The following LRIG2 variants were observed in gnomAD, a reference collection of about 807,000 sequenced individuals.
LRIG2 encodes leucine rich repeats and immunoglobulin like domains 2, also known as leucine-rich repeats and immunoglobulin-like domains protein 2.
Under a neutral mutation model 107.8 loss-of-function variants are expected in LRIG2, and 93 were observed. The ratio of observed to expected loss-of-function variants is 0.86; its 90% CI spans 0.73 to 1.03. The LOEUF (loss-of-function observed/expected upper bound fraction) is 1.03, where lower values mean the gene tolerates loss of function less well. Ranked by LOEUF, LRIG2 falls within the 50% of genes least tolerant of loss-of-function variation. The pLI is 0.00. For synonymous variants in LRIG2, 471 were observed against 470.6 expected (o/e 1.00, Z -0.01); for missense variants, 1,226 against 1,296.0 (o/e 0.95, Z 0.83).
intron 1 of LRIG2, among the ~76,000 whole-genome samples, chr1:113,087,522 T>C (rs1653610651): frequency 6.6e-6 from 1 of 152,110 alleles, no homozygotes; most frequent in African/African-American, 2.4e-5. Context: ...CTAATTTTTG[T>C]ATTTTTTGTA....
At chr1:113,106,099 G>A (rs1341844826) in intron 11 of LRIG2, among the ~76,000 whole-genome samples, 1 of 152,048 alleles carries the variant, frequency 6.6e-6, no homozygotes, top group African/African-American at 2.4e-5. Flanking sequence ...ATGGTGGCAC[G>A]CACCTGTAGT....
intron 11 of LRIG2, 99 bp downstream of exon 11, chr1:113,100,587 C>T: frequency 1.5e-6 from 1 of 682,866 alleles, no homozygotes; most frequent in South Asian, 1.8e-5. Flanking sequence ...TCCAAAAGCA[C>T]ACAGTTCAGG....
chr1:113,079,359 A>AG (rs1653148490), intron 1 of LRIG2, among the ~76,000 whole-genome samples: 1 of 150,852 alleles, frequency 6.6e-6, no homozygotes, highest in African/African-American at 2.4e-5. Flanking sequence ...AAAAAAAAAA[A>AG]AAAAGAAGAG....
intron 12 of LRIG2, among the ~76,000 whole-genome samples, chr1:113,108,252 C>G (rs1188955776): frequency 7.0e-6 from 1 of 143,878 alleles, no homozygotes; most frequent in Non-Finnish European, 1.5e-5. Context: ...CTAATGGAGT[C>G]TTGCTGCGTC....
rs149289712 is a variant in LRIG2 at position 113,100,672 on chromosome 1, G to A, written c.1313+184G>A. On this transcript the variant is annotated intron_variant, in intron 11 of 17. Coordinates refer to ENST00000361127, the MANE Select transcript of LRIG2 (RefSeq NM_014813.3). ...ATTTTAAAATAGCCAACATTGAAAA[G>A]CCCAGAGTGTGTGGCACCAAGACCT... The A allele has an allele frequency of 2.2e-3, 1,031 of 467,420 alleles. 11 individuals are homozygous for A. Among genetic ancestry groups the A allele is most frequent in the African/African-American group, 0.018 (929 of 51,930 alleles). The allele number at this position is 467,420 out of a possible 1,614,324, so 29.0% of individuals were successfully genotyped here. A position where few individuals can be genotyped will look rare whatever the true frequency, so the allele number is the denominator to read the frequency against.
In LRIG2 at chr1:113,075,692, CTT is replaced by C. The variant is rs34293194; in HGVS notation, c.239+2066_239+2067del. On this transcript the variant is annotated intron_variant, in intron 1 of 17. Transcript: ENST00000361127. Reference sequence around the variant, plus strand: ...GTAATTGGAATGAATGTGGCCTATACTTTTTTTTTTTTTTTTTTTTGAGATGG... The same window carrying C: ...GTAATTGGAATGAATGTGGCCTATACTTTTTTTTTTTTTTTTTTGAGATGG... 3.0e-3 allele frequency among the ~76,000 whole-genome samples: 351 copies of C among 117,704 alleles called. 2 individuals carry two copies. Among genetic ancestry groups the C allele is most frequent in the Middle Eastern group, 0.01 (2 of 196 alleles). 77.2% of individuals were successfully genotyped at this position (117,704 alleles called of 152,430 possible). A position where few individuals can be genotyped will look rare whatever the true frequency, so the allele number is the denominator to read the frequency against.
At chr1:113,078,068 C>A (rs962669829) in intron 1 of LRIG2, among the ~76,000 whole-genome samples, 3 of 152,040 alleles carry the variant, frequency 2.0e-5, no homozygotes, top group East Asian at 3.9e-4. Flanking sequence ...TATGAACTCA[C>A]CCTTTTTTAT....
intron 9 of LRIG2, 88 bp from the exon 10 acceptor site, chr1:113,100,123 C>T (rs1360740283): frequency 1.2e-5 from 9 of 723,950 alleles, no homozygotes; most frequent in Non-Finnish European, 2.0e-5. Context: ...GTACGCTACG[C>T]TTATTTTCAC....
intron 14 of LRIG2, 87 bp from the exon 15 acceptor site, chr1:113,114,340 A>T (rs955695028): frequency 1.6e-5 from 12 of 745,570 alleles, no homozygotes; most frequent in Non-Finnish European, 2.6e-5. Flanking sequence ...TCATTTTATT[A>T]TACCCCCATT....
At chr1:113,084,339 C>T (rs891968583) in intron 1 of LRIG2, among the ~76,000 whole-genome samples, 1 of 151,548 alleles carries the variant, frequency 6.6e-6, no homozygotes, top group African/African-American at 2.4e-5. Context: ...CCTCAGCCTC[C>T]CGAGTAGCTG....
At position 113,124,901 on chromosome 1, in the gene LRIG2, C is replaced by G. The variant is rs1655422004; in HGVS notation, c.*800C>G. ...AAAGTATAAAAACTGTGGCTCACACCTGTAATCCCAGCATTTTGAGAGGCT... is the reference window on the plus strand; with the variant it reads ...AAAGTATAAAAACTGTGGCTCACACGTGTAATCCCAGCATTTTGAGAGGCT... On this transcript the variant is annotated 3_prime_UTR_variant, in exon 18 of 18. Coordinates refer to ENST00000361127, the MANE Select transcript of LRIG2 (RefSeq NM_014813.3). 6.6e-6 allele frequency: 1 copy of G among 152,036 alleles called. No individual in the cohort carries two copies. Among genetic ancestry groups the G allele is most frequent in the Non-Finnish European group, 1.5e-5 (1 of 68,016 alleles). 9.4% of individuals were successfully genotyped at this position (152,036 alleles called of 1,614,324 possible).
At chr1:113,115,028 G>T in intron 15 of LRIG2, 152 bp downstream of exon 15, 1 of 696,586 alleles carries the variant, frequency 1.4e-6, no homozygotes, top group Non-Finnish European at 2.3e-6. Flanking sequence ...AGGACTGCTT[G>T]AGCCCAGGAG....
chr1:113,098,465 C>T (rs1248722929), intron 8 of LRIG2, among the ~76,000 whole-genome samples: 1 of 152,102 alleles, frequency 6.6e-6, no homozygotes, highest in Non-Finnish European at 1.5e-5. Flanking sequence ...CTTTATTTAC[C>T]AAGGCCAGCT....
At position 113,073,337 on chromosome 1, in the gene LRIG2, T is replaced by TGAGCTTCTCCGCC; in HGVS notation, c.-67_-55dup. 7.7e-7 allele frequency: 1 copy of TGAGCTTCTCCGCC among 1,300,550 alleles called. No individual in the cohort carries two copies. Among genetic ancestry groups the TGAGCTTCTCCGCC allele is most frequent in the South Asian group, 1.3e-5 (1 of 78,226 alleles). The allele number at this position is 1,300,550 out of a possible 1,614,324, so 80.6% of individuals were successfully genotyped here. A position where few individuals can be genotyped will look rare whatever the true frequency, so the allele number is the denominator to read the frequency against. Reference sequence around the variant, plus strand: ...CAGTGCAGCCACCGAGCATCTCTGCTGAGCTTCTCCGCCGATCCTCCTTTT... The same window carrying TGAGCTTCTCCGCC: ...CAGTGCAGCCACCGAGCATCTCTGCTGAGCTTCTCCGCCGAGCTTCTCCGCCGATCCTCCTTTT... On this transcript the variant is annotated 5_prime_UTR_variant, in exon 1 of 18. The change creates a premature stop within an existing upstream ORF in the 5' untranslated region. Coordinates refer to ENST00000361127, the MANE Select transcript of LRIG2 (RefSeq NM_014813.3).
At chr1:113,076,313 G>A (rs900759831) in intron 1 of LRIG2, among the ~76,000 whole-genome samples, 1 of 152,142 alleles carries the variant, frequency 6.6e-6, no homozygotes, top group African/African-American at 2.4e-5. Flanking sequence ...GCCACAGCCG[G>A]GCCTACATTT....
chr1:113,073,645 T>C lies in LRIG2; in HGVS notation c.239T>C (p.Leu80Pro). The change falls in exon 1 of 18, where the codon CTG becomes CCG. Residue 80 changes from leucine to proline, a missense_variant and splice_region_variant. Physicochemically the swap from Leu to Pro is moderately conservative, Grantham distance 98. Transcript: ENST00000361127. ...TTGCTGCCCCCCGACACCGCTATCCTGTGAGTAGAGCGGCCAGGCAGAGTG... is the reference window on the plus strand; with the variant it reads ...TTGCTGCCCCCCGACACCGCTATCCCGTGAGTAGAGCGGCCAGGCAGAGTG... ...SGLLPPDTAI[L>P]DFSHNRLSNW... The C allele has an allele frequency of 6.2e-7, 1 of 1,610,192 alleles. No individual in the cohort carries two copies. Among genetic ancestry groups the C allele is most frequent in the Non-Finnish European group, 8.5e-7 (1 of 1,178,680 alleles).
At chr1:113,102,681 T>G (rs1654358809) in intron 11 of LRIG2, among the ~76,000 whole-genome samples, 1 of 152,112 alleles carries the variant, frequency 6.6e-6, no homozygotes, top group Non-Finnish European at 1.5e-5. Context: ...ACAATAAAAT[T>G]ATGTTCATAT....
Position 113,124,315 on chromosome 1 carries a change from G to T in LRIG2, c.*214G>T. The T allele has an allele frequency of 1.7e-6, 1 of 580,898 alleles. No individual in the cohort carries two copies. Among genetic ancestry groups the T allele is most frequent in the South Asian group, 2.0e-5 (1 of 49,196 alleles). The allele number at this position is 580,898 out of a possible 1,614,324, so 36.0% of individuals were successfully genotyped here. A position where few individuals can be genotyped will look rare whatever the true frequency, so the allele number is the denominator to read the frequency against. Reference sequence around the variant, plus strand: ...GAAATGGGTACAGCTCATCAAAAATGTGCAGCACCGGCAGAGGGAAGATAC... The same window carrying T: ...GAAATGGGTACAGCTCATCAAAAATTTGCAGCACCGGCAGAGGGAAGATAC... On this transcript the variant is annotated 3_prime_UTR_variant, in exon 18 of 18. Transcript: ENST00000361127.
At chr1:113,119,781 C>T (rs1655169518) in intron 17 of LRIG2, among the ~76,000 whole-genome samples, 1 of 152,076 alleles carries the variant, frequency 6.6e-6, no homozygotes, top group Admixed American at 6.5e-5. Flanking sequence ...AGGCCATACA[C>T]AAAAAGCTTT....
Sources: allele counts gnomAD v4.1 joint callset (sites outside exome capture counted in the v4.1 genomes callset), GRCh38; gene constraint gnomAD v4.1.1; transcripts MANE v1.5; gene names NCBI Gene and HGNC (gene_info 2026-07-23, HGNC 2026-07-21).